KLF17: variants seen among roughly 807,000 people sequenced by gnomAD.
KLF17 encodes Krueppel-like factor 17.
In KLF17, 31 loss-of-function variants were observed where a neutral mutation model predicts 34.2. That is an observed-to-expected ratio of 0.91 (90% confidence interval 0.68 to 1.22). KLF17 has a LOEUF of 1.22. Among genes scored for constraint, KLF17 ranks in the 50% most tolerant of loss-of-function variants. The probability of loss-of-function intolerance (pLI) is 0.00; values close to 1 mark genes in which losing one functional copy is unlikely to be tolerated. For missense variants in KLF17, 478 were observed against 505.2 expected (o/e 0.95, Z 0.52); for synonymous variants, 179 against 186.7 (o/e 0.96, Z 0.34).
At chr1:44,102,619 AG>A in the KLF17 span, among the ~76,000 whole-genome samples, 15 of 129,282 alleles carry the variant, frequency 1.2e-4, no homozygotes, top group African/African-American at 3.0e-4. Flanking sequence ...CACACAGAAA[AG>A]AAAAAGAAAA....
At chr1:44,131,590 C>T (rs2088110088) in intron 3 of KLF17, among the ~76,000 whole-genome samples, 1 of 152,190 alleles carries the variant, frequency 6.6e-6, no homozygotes, top group Non-Finnish European at 1.5e-5. Flanking sequence ...GCCATGTACC[C>T]AGAGTTTCTG....
Position 44,127,063 on chromosome 1 carries a change from G to GTTT in KLF17, c.82-2274_82-2272dup, listed in dbSNP as rs71587040. Among the ~76,000 whole-genome samples, 541 of 126,880 alleles carry GTTT rather than the reference G, an allele frequency of 4.3e-3. 5 individuals carry two copies. Among genetic ancestry groups the GTTT allele is most frequent in the African/African-American group, 0.011 (391 of 34,038 alleles). 83.2% of individuals were successfully genotyped at this position (126,880 alleles called of 152,430 possible). On this transcript the variant is annotated intron_variant, in intron 1 of 3. Transcript: ENST00000372299. ...AGGCGCATGCTACCATGCCTGGCTT[G>GTTT]TTTTTTTTTTTTTTTTTTAATTCTT...
chr1:44,066,340 T>TC, the KLF17 span, among the ~76,000 whole-genome samples: 2,244 of 127,422 alleles, frequency 0.018, 65 homozygotes, highest in African/African-American at 0.057. Flanking sequence ...ACAAAAACCC[T>TC]CCCCCCAAAA....
At chr1:44,092,355 C>A in the KLF17 span, among the ~76,000 whole-genome samples, 4 of 151,776 alleles carry the variant, frequency 2.6e-5, no homozygotes, top group African/African-American at 9.7e-5. Context: ...TCAAAAAAAA[C>A]TTGTACTTCA....
At chr1:44,099,841 GAAAGAAAGA>G in the KLF17 span, among the ~76,000 whole-genome samples, 1 of 28,714 alleles carries the variant, frequency 3.5e-5, no homozygotes, top group African/African-American at 2.2e-4. Context: ...AAGAAAGAAA[GAAAGAAAGA>G]AAGAAAGAAA....
chr1:44,083,809 A>AAG, the KLF17 span, among the ~76,000 whole-genome samples: 1 of 151,798 alleles, frequency 6.6e-6, no homozygotes, highest in Non-Finnish European at 1.5e-5. Context: ...AAAAAAAAAA[A>AAG]AAAATGGCAC....
At chr1:44,080,341 C>T in the KLF17 span, among the ~76,000 whole-genome samples, 1 of 150,674 alleles carries the variant, frequency 6.6e-6, no homozygotes, top group South Asian at 2.1e-4. Context: ...CGGGTTCACA[C>T]CGTTCTCCAG....
At chr1:44,119,163 G>A (rs2087916508) in intron 1 of KLF17, among the ~76,000 whole-genome samples, 175 bp downstream of exon 1, 1 of 151,700 alleles carries the variant, frequency 6.6e-6, no homozygotes, top group African/African-American at 2.4e-5. Flanking sequence ...TGCAAAGGGA[G>A]GGATGGGAGA....
chr1:44,130,227 G>C, intron 2 of KLF17, 31 bp downstream of exon 2: 1 of 1,580,964 alleles, frequency 6.3e-7, no homozygotes. Flanking sequence ...GGTGGGGATG[G>C]AGGAGTCTCT....
the KLF17 span, among the ~76,000 whole-genome samples, chr1:44,089,075 G>A: frequency 5.9e-5 from 9 of 152,148 alleles, no homozygotes; most frequent in African/African-American, 2.2e-4. Context: ...AGTGAGCCAG[G>A]TGTTAAATCT....
At chr1:44,091,446 A>G in the KLF17 span, among the ~76,000 whole-genome samples, 1 of 151,914 alleles carries the variant, frequency 6.6e-6, no homozygotes, top group Non-Finnish European at 1.5e-5. Context: ...ATTTGAGGTC[A>G]GGAGTTTGAG....
the KLF17 span, among the ~76,000 whole-genome samples, chr1:44,090,287 CAGTG>C: frequency 3.1e-5 from 3 of 96,822 alleles, no homozygotes; most frequent in Non-Finnish European, 5.5e-5. Context: ...CTGGGCAACA[CAGTG>C]AGATCTTGTC....
At chr1:44,110,063 C>T in the KLF17 span, among the ~76,000 whole-genome samples, 12 of 151,910 alleles carry the variant, frequency 7.9e-5, no homozygotes, top group East Asian at 1.9e-4. Flanking sequence ...TGTGCCACCA[C>T]GCCTGGCTAA....
At chr1:44,071,323 G>A in the KLF17 span, among the ~76,000 whole-genome samples, 1 of 152,118 alleles carries the variant, frequency 6.6e-6, no homozygotes, top group Non-Finnish European at 1.5e-5. Context: ...CCCCTCCTAT[G>A]GTTTCAGTCA....
At chr1:44,130,431 C>T in intron 2 of KLF17, 81 bp from the exon 3 acceptor site, 2 of 1,564,898 alleles carry the variant, frequency 1.3e-6, no homozygotes. Flanking sequence ...GAATCCTCAA[C>T]CTGGACTGCT....
chr1:44,066,389 CTT>C, the KLF17 span, among the ~76,000 whole-genome samples: 55 of 127,994 alleles, frequency 4.3e-4, no homozygotes, highest in Admixed American at 8.8e-4. Context: ...TAATACTTTC[CTT>C]TTTTTTTTTT....
upstream of KLF17, chr1:44,115,241 G>A (rs2087868121): frequency 6.6e-6 from 1 of 152,000 alleles, no homozygotes; most frequent in South Asian, 2.1e-4. Flanking sequence ...AGGAGATCGA[G>A]ACCATCCTGG....
the KLF17 span, chr1:44,076,289 C>T: frequency 6.6e-6 from 1 of 152,356 alleles, no homozygotes; most frequent in South Asian, 2.1e-4. Context: ...CTCCTTGCAA[C>T]CCTTCCCACT....
the KLF17 span, among the ~76,000 whole-genome samples, chr1:44,111,225 G>C: frequency 1.3e-5 from 2 of 151,888 alleles, no homozygotes; most frequent in East Asian, 2.0e-4. Context: ...CAAACTCCTG[G>C]GCTCAAGCGA....
Sources: allele counts gnomAD v4.1 joint callset (sites outside exome capture counted in the v4.1 genomes callset), GRCh38; gene constraint gnomAD v4.1.1; transcripts MANE v1.5; gene names NCBI Gene and HGNC (gene_info 2026-07-23, HGNC 2026-07-21).